Variants in NKAIN3 observed in about 807,000 individuals in gnomAD.
NKAIN3 encodes sodium/potassium-transporting ATPase subunit beta-1-interacting protein 3.
Under a neutral mutation model 30.2 loss-of-function variants are expected in NKAIN3, and 25 were observed. The observed-to-expected ratio is 0.83, with a 90% confidence interval of 0.60 to 1.16. The LOEUF (loss-of-function observed/expected upper bound fraction) is 1.16. Among genes scored for constraint, NKAIN3 ranks in the 50% most tolerant of loss-of-function variants. The pLI, the probability that NKAIN3 is intolerant of heterozygous loss-of-function variation, is 0.00. For synonymous variants in NKAIN3, 91 were observed against 89.6 expected, an observed-to-expected ratio of 1.02 and a Z score of -0.09; for missense variants, 225 against 254.1, an observed-to-expected ratio of 0.89 and a Z score of 0.78.
chr8:62,461,924 G>T (rs929210475), intron 1 of NKAIN3, among the ~76,000 whole-genome samples: 4 of 152,094 alleles, frequency 2.6e-5, no homozygotes, highest in African/African-American at 9.7e-5. Flanking sequence ...AGGAAATAAT[G>T]GCAGAACACT....
intron 1 of NKAIN3, among the ~76,000 whole-genome samples, chr8:62,573,748 T>C (rs779948022): frequency 6.6e-6 from 1 of 152,110 alleles, no homozygotes; most frequent in Non-Finnish European, 1.5e-5. Context: ...AATTTTTAAT[T>C]TTGTGGGTAC....
At chr8:62,500,461 GAAAGAAAGAAAGAAAGAAAGAAAGAAGA>G (rs1275124992) in intron 1 of NKAIN3, among the ~76,000 whole-genome samples, 7 of 123,516 alleles carry the variant, frequency 5.7e-5, no homozygotes, top group African/African-American at 2.3e-4. Flanking sequence ...AAGAAAGAAA[GAAAGAAAGAAAGAAAGAAAGAAAGAAGA>G]AAAGAAAGAA....
chr8:62,366,218 G>T (rs1239097724), intron 1 of NKAIN3, among the ~76,000 whole-genome samples: 2 of 97,626 alleles, frequency 2.0e-5, no homozygotes, highest in South Asian at 4.0e-4. Context: ...TTGTGATTCT[G>T]TTTCCTTTTT....
At chr8:62,290,778 T>A (rs1190243803) in intron 1 of NKAIN3, among the ~76,000 whole-genome samples, 2 of 152,282 alleles carry the variant, frequency 1.3e-5, no homozygotes, top group East Asian at 3.9e-4. Context: ...ATGATTCTGC[T>A]TTTTCTATTG....
intron 5 of NKAIN3, among the ~76,000 whole-genome samples, chr8:62,938,629 G>C (rs1476727869): frequency 6.6e-6 from 1 of 152,118 alleles, no homozygotes; most frequent in East Asian, 1.9e-4. Context: ...TCTGCTGGAT[G>C]GCTAGACCCA....
chr8:62,285,144 G>A (rs191544990), intron 1 of NKAIN3, among the ~76,000 whole-genome samples: 17 of 152,114 alleles, frequency 1.1e-4, no homozygotes, highest in African/African-American at 2.4e-4. Context: ...CCCACGCTTC[G>A]CAGATGCTAA....
At chr8:62,536,746 G>T (rs575579457) in intron 1 of NKAIN3, among the ~76,000 whole-genome samples, 1 of 152,166 alleles carries the variant, frequency 6.6e-6, no homozygotes, top group Non-Finnish European at 1.5e-5. Context: ...GTTCAGATGG[G>T]TTACTTGCCC....
chr8:62,420,226 A>G (rs1295417951), intron 1 of NKAIN3, among the ~76,000 whole-genome samples: 3 of 152,214 alleles, frequency 2.0e-5, no homozygotes, highest in African/African-American at 7.2e-5. Context: ...TTACCTGTTC[A>G]TGTAATTTAC....
At chr8:62,262,621 C>G (rs1812477047) in intron 1 of NKAIN3, among the ~76,000 whole-genome samples, 1 of 152,112 alleles carries the variant, frequency 6.6e-6, no homozygotes, top group Admixed American at 6.6e-5. Flanking sequence ...GCCACTGAAC[C>G]ATTAGGAGGC....
At chr8:62,409,759 A>T (rs1415528663) in intron 1 of NKAIN3, among the ~76,000 whole-genome samples, 3 of 151,976 alleles carry the variant, frequency 2.0e-5, no homozygotes, top group Non-Finnish European at 2.9e-5. Context: ...TAAAATACTT[A>T]CTTTTCTTTA....
chr8:62,444,800 G>T (rs1333677214), intron 1 of NKAIN3, among the ~76,000 whole-genome samples: 1 of 152,036 alleles, frequency 6.6e-6, no homozygotes, highest in Admixed American at 6.6e-5. Context: ...TTCCTTAGTG[G>T]CTGTACTAAT....
intron 1 of NKAIN3, among the ~76,000 whole-genome samples, chr8:62,488,330 T>C (rs571958519): frequency 6.6e-6 from 1 of 152,292 alleles, no homozygotes; most frequent in South Asian, 2.1e-4. Context: ...ATTCCTTCTT[T>C]CCTCTGCTAA....
chr8:62,685,865 T>C (rs900903256), intron 3 of NKAIN3, among the ~76,000 whole-genome samples: 1 of 152,248 alleles, frequency 6.6e-6, no homozygotes, highest in Non-Finnish European at 1.5e-5. Flanking sequence ...ATTTCTTGTC[T>C]ATATGTCTAA....
At chr8:62,925,552 C>T (rs953254963) in intron 5 of NKAIN3, among the ~76,000 whole-genome samples, 1 of 152,144 alleles carries the variant, frequency 6.6e-6, no homozygotes, top group African/African-American at 2.4e-5. Flanking sequence ...AACTCCTGCA[C>T]CCCAGAGGGG....
intron 1 of NKAIN3, among the ~76,000 whole-genome samples, chr8:62,388,955 G>T (rs1473272333): frequency 1.3e-5 from 2 of 152,166 alleles, no homozygotes; most frequent in Non-Finnish European, 2.9e-5. Flanking sequence ...CCCAAATACA[G>T]GCCCCATCTG....
chr8:62,533,641 C>A (rs1808556817), intron 1 of NKAIN3, among the ~76,000 whole-genome samples: 1 of 152,172 alleles, frequency 6.6e-6, no homozygotes, highest in African/African-American at 2.4e-5. Flanking sequence ...CTTAGTAGAT[C>A]TTTTGAAAGT....
chr8:62,858,987 T>C (rs946533157), intron 4 of NKAIN3, among the ~76,000 whole-genome samples: 1 of 152,166 alleles, frequency 6.6e-6, no homozygotes, highest in Non-Finnish European at 1.5e-5. Flanking sequence ...TATGTAAAGC[T>C]CCTGGGTCTC....
chr8:62,608,906 T>G (rs1184919403), intron 3 of NKAIN3, among the ~76,000 whole-genome samples: 1 of 152,186 alleles, frequency 6.6e-6, no homozygotes, highest in Non-Finnish European at 1.5e-5. Context: ...AGCTATGCTA[T>G]GGACAATAAA....
Position 62,304,860 on chromosome 8 carries a change from A to C in NKAIN3, c.54+55733A>C, listed in dbSNP as rs1332598620. On this transcript the variant is annotated intron_variant, in intron 1 of 6. Coordinates refer to ENST00000623646, the MANE Select transcript of NKAIN3 (RefSeq NM_001304533.3). The stretch of plus-strand genomic sequence containing the variant: ...GCCAGCAGAAGCTACTCCATACTCA[A>C]GTGGAAAATCGATTTTGGGTGGACC... 1.3e-5 allele frequency among the ~76,000 whole-genome samples: 2 copies of C among 150,414 alleles called. 1 individual carries two copies. Among genetic ancestry groups the C allele is most frequent in the African/African-American group, 5.0e-5 (2 of 39,846 alleles).
Sources: allele counts gnomAD v4.1 joint callset (sites outside exome capture counted in the v4.1 genomes callset), GRCh38; gene constraint gnomAD v4.1.1; transcripts MANE v1.5; gene names NCBI Gene and HGNC (gene_info 2026-07-23, HGNC 2026-07-21).